BRWD3: variants seen among roughly 807,000 people sequenced by gnomAD.
The protein encoded by BRWD3 is bromodomain and WD repeat domain containing 3, also known as bromodomain and WD repeat-containing protein 3.
BRWD3 carries 10 observed loss-of-function variants against 149.7 expected under a neutral mutation model. The observed-to-expected ratio is 0.07, with a 90% CI of 0.04 to 0.11. BRWD3 has a LOEUF of 0.11. BRWD3 is among the 10% of genes least tolerant of loss of function. The pLI, the probability that BRWD3 is intolerant of heterozygous loss-of-function variation, is 1.00. For missense variants in BRWD3, 940 were observed against 1,373.2 expected, an observed-to-expected ratio of 0.68 and a Z score of 4.99; for synonymous variants, 504 against 456.7, an observed-to-expected ratio of 1.10 and a Z score of -1.32.
In BRWD3 at chrX:80,722,660, T is replaced by C; in HGVS notation, c.1778A>G (p.Asp593Gly). 1.7e-6 allele frequency: 2 copies of C among 1,211,515 alleles called. No individual in the cohort carries two copies. Among genetic ancestry groups the C allele is most frequent in the Non-Finnish European group, 2.2e-6 (2 of 895,232 alleles). ...GAATTTTGTGGGATGAGGATTTCCA[T>C]CAACATCCACCAAAAATGGAGGAGG... is the stretch of plus-strand genomic sequence containing the variant. ...LMPPPFLVDV[D>G]GNPHPTKFQR... Residue 593 changes from aspartate to glycine, a missense_variant, in exon 17 of 41, where the codon GAT (aspartate) becomes GGT (glycine). Around this residue, in one of 6 missense-constraint regions of BRWD3, gnomAD observed 209 missense variants for 396.8 expected, o/e 0.53. Transcript: ENST00000373275.
intron 4 of BRWD3, among the ~76,000 whole-genome samples, chrX:80,807,195 C>A (rs1341476739): frequency 1.8e-5 from 2 of 111,769 alleles, no homozygotes; most frequent in Non-Finnish European, 1.9e-5. Flanking sequence ...ATTAACCTGG[C>A]AGTACATGAA....
chrX:80,744,829 T>A (rs985567857), intron 7 of BRWD3, among the ~76,000 whole-genome samples: 2 of 111,747 alleles, frequency 1.8e-5, no homozygotes, highest in African/African-American at 6.5e-5. Flanking sequence ...CTCATCATGA[T>A]CACTAACATC....
chrX:80,785,413 T>A (rs967619773), intron 6 of BRWD3, among the ~76,000 whole-genome samples: 6 of 112,342 alleles, frequency 5.3e-5, no homozygotes, highest in Non-Finnish European at 1.1e-4. Flanking sequence ...TAAGTACACA[T>A]GTATTTTAAA....
At chrX:80,780,825 G>A (rs917815475) in intron 6 of BRWD3, among the ~76,000 whole-genome samples, 10 of 112,137 alleles carry the variant, frequency 8.9e-5, no homozygotes, top group African/African-American at 3.2e-4. Context: ...AAATTAGAGA[G>A]GGTGACAAAT....
intron 30 of BRWD3, 37 bp downstream of exon 30, chrX:80,691,786 C>G: frequency 8.3e-7 from 1 of 1,208,068 alleles, no homozygotes; most frequent in Non-Finnish European, 1.1e-6. Flanking sequence ...TCCTAGCTCT[C>G]TTGCATGCTC....
intron 12 of BRWD3, among the ~76,000 whole-genome samples, chrX:80,731,303 G>A (rs1001980671): frequency 9.0e-6 from 1 of 111,334 alleles, no homozygotes; most frequent in Non-Finnish European, 1.9e-5. Flanking sequence ...TTGGCCACAC[G>A]AATAATTAAG....
chrX:80,774,788 C>A (rs2073983092), intron 6 of BRWD3, among the ~76,000 whole-genome samples: 1 of 111,214 alleles, frequency 9.0e-6, no homozygotes, highest in South Asian at 3.8e-4. Flanking sequence ...TTGCTTGAAT[C>A]AATCCAATTA....
intron 20 of BRWD3, chrX:80,710,507 C>A (rs1303466390): frequency 5.1e-6 from 2 of 394,341 alleles, no homozygotes; most frequent in Non-Finnish European, 9.5e-6. Context: ...TGAAGAGAGA[C>A]AATTCCTGCA....
At chrX:80,772,178 T>C (rs1430901539) in intron 6 of BRWD3, among the ~76,000 whole-genome samples, 1 of 112,062 alleles carries the variant, frequency 8.9e-6, no homozygotes, top group Admixed American at 9.5e-5. Flanking sequence ...CGTATGTTTA[T>C]TGCGGCACTA....
chrX:80,737,748 T>C (rs2073425022), intron 8 of BRWD3, among the ~76,000 whole-genome samples: 1 of 112,415 alleles, frequency 8.9e-6, no homozygotes, highest in Non-Finnish European at 1.9e-5. Flanking sequence ...GGCATGAGAA[T>C]TGCTTGAAGC....
intron 4 of BRWD3, among the ~76,000 whole-genome samples, chrX:80,800,852 G>A (rs1175144142): frequency 1.8e-5 from 2 of 111,059 alleles, no homozygotes; most frequent in Non-Finnish European, 3.8e-5. Context: ...TAATCATTAT[G>A]CATAGCATTT....
chrX:80,809,741 AG>A lies in BRWD3; in HGVS notation c.-271del. 1 of 223,468 alleles carries A rather than the reference AG, an allele frequency of 4.5e-6. No homozygotes were observed. The highest frequency in any genetic ancestry group is 6.4e-5 in the East Asian group (1 of 15,694). The allele number at this position is 223,468 out of a possible 1,213,427, so 18.4% of individuals were successfully genotyped here. On this transcript the variant is annotated 5_prime_UTR_variant, in exon 1 of 41. Transcript: ENST00000373275. The stretch of plus-strand genomic sequence containing the variant: ...TGAGTGAGAGAGAGAGAGAGAAGAG[AG>A]AGAGAGAGAGAGGAAAAAGAGAGAG...
intron 20 of BRWD3, chrX:80,710,540 T>C (rs1242192478): frequency 2.4e-6 from 1 of 422,484 alleles, no homozygotes; most frequent in Non-Finnish European, 4.4e-6. Flanking sequence ...ACTACAAAAA[T>C]GTTTCCATTG....
At chrX:80,690,904 A>G in intron 31 of BRWD3, 149 bp downstream of exon 31, 3 of 639,752 alleles carry the variant, frequency 4.7e-6, no homozygotes, top group South Asian at 3.0e-5. Flanking sequence ...TACTAAATAA[A>G]GGGAAATTAA....
At chrX:80,788,279 G>A (rs2074137910) in intron 6 of BRWD3, among the ~76,000 whole-genome samples, 1 of 109,966 alleles carries the variant, frequency 9.1e-6, no homozygotes, top group Admixed American at 9.8e-5. Flanking sequence ...TTAAAAAGAT[G>A]GGGGCAGGGA....
chrX:80,701,738 T>C (rs1464829903), intron 24 of BRWD3, among the ~76,000 whole-genome samples: 1 of 108,901 alleles, frequency 9.2e-6, no homozygotes, highest in Non-Finnish European at 1.9e-5. Context: ...AATAAAATAA[T>C]TGTAAGGGTT....
intron 20 of BRWD3, among the ~76,000 whole-genome samples, chrX:80,710,942 T>A (rs1457366821): frequency 1.8e-5 from 2 of 110,600 alleles, no homozygotes; most frequent in South Asian, 3.8e-4. Flanking sequence ...TGTTTTTATA[T>A]GAAAAAAGTA....
At position 80,785,250 on chromosome X, in the gene BRWD3, G is replaced by T. The variant is rs139359784; in HGVS notation, c.430+6604C>A. 2.6e-3 allele frequency among the ~76,000 whole-genome samples: 293 copies of T among 112,111 alleles called. 1 individual carries two copies. The highest frequency in any genetic ancestry group is 3.9e-3 in the Non-Finnish European group (208 of 53,221). ...GAATTTAGCTCAATTTTCTTCTTCTGATTTAATTTTGGTACAATACAAAAC... is the reference window on the plus strand; with the variant it reads ...GAATTTAGCTCAATTTTCTTCTTCTTATTTAATTTTGGTACAATACAAAAC... On this transcript the variant is annotated intron_variant, in intron 6 of 40. Transcript: ENST00000373275.
At chrX:80,737,327 A>G (rs1602374572) in intron 8 of BRWD3, among the ~76,000 whole-genome samples, 2 of 111,865 alleles carry the variant, frequency 1.8e-5, no homozygotes, top group East Asian at 2.8e-4. Flanking sequence ...ATTACTGATA[A>G]TACCTAATAC....
Sources: gnomAD v4.1 joint callset for allele counts (sites outside exome capture counted in the v4.1 genomes callset) on GRCh38, gnomAD v4.1.1 for gene constraint, gnomAD v4.1.1 regional missense constraint, MANE v1.5 for transcripts, NCBI Gene and HGNC (gene_info 2026-07-23, HGNC 2026-07-21) for gene names.